The following GDAP2 variants were observed in gnomAD, a reference collection of about 807,000 sequenced individuals.
The protein encoded by GDAP2 is ganglioside-induced differentiation-associated protein 2.
GDAP2 carries 51 observed loss-of-function variants against 67.0 expected under a neutral mutation model. That is an observed-to-expected ratio of 0.76 (90% confidence interval 0.61 to 0.96). The LOEUF is 0.96. GDAP2 is among the 40% of genes least tolerant of loss of function. GDAP2 has a pLI of 0.00. For synonymous variants in GDAP2, 203 were observed against 207.3 expected (o/e 0.98, Z 0.18); for missense variants, 547 against 588.3 (o/e 0.93, Z 0.73).
chr1:117,885,055 G>A (rs1364838651), intron 10 of GDAP2, among the ~76,000 whole-genome samples: 1 of 151,896 alleles, frequency 6.6e-6, no homozygotes, highest in Non-Finnish European at 1.5e-5. Context: ...ATAGGATTTC[G>A]CCATGTTGCC....
intron 6 of GDAP2, among the ~76,000 whole-genome samples, chr1:117,904,073 G>A: frequency 6.7e-6 from 1 of 150,240 alleles, no homozygotes; most frequent in Admixed American, 6.6e-5. Context: ...TGCAACTTCT[G>A]CTTCCTGGGT....
chr1:117,870,334 T>C lies in GDAP2; in HGVS notation c.*235A>G, dbSNP rs1304992304. On this transcript the variant is annotated 3_prime_UTR_variant, in exon 14 of 14. Transcript: ENST00000369443. Reference sequence around the variant, plus strand: ...CCAATTTCTATTAACAATCTAAAAATGAACATTTCCATTTCATATAAATAT... The same window carrying C: ...CCAATTTCTATTAACAATCTAAAAACGAACATTTCCATTTCATATAAATAT... The C allele has an allele frequency of 2.0e-6, 1 of 509,106 alleles. No homozygotes were observed. Among genetic ancestry groups the C allele is most frequent in the Non-Finnish European group, 3.4e-6 (1 of 290,186 alleles). 31.5% of individuals were successfully genotyped at this position (509,106 alleles called of 1,614,324 possible).
intron 6 of GDAP2, among the ~76,000 whole-genome samples, chr1:117,899,648 C>G (rs1489419172): frequency 6.6e-6 from 1 of 151,820 alleles, no homozygotes; most frequent in East Asian, 1.9e-4. Context: ...TTTATTCTTT[C>G]TTAAAAGTTT....
chr1:117,892,188 T>C (rs915388581), intron 8 of GDAP2, among the ~76,000 whole-genome samples: 6 of 152,132 alleles, frequency 3.9e-5, no homozygotes, highest in South Asian at 2.1e-4. Flanking sequence ...ATTACCACTA[T>C]AGATTGTGTA....
chr1:117,926,348 CTA>C (rs1557813201), intron 1 of GDAP2, among the ~76,000 whole-genome samples: 3 of 152,172 alleles, frequency 2.0e-5, no homozygotes, highest in South Asian at 2.1e-4. Flanking sequence ...GGTGGTTCTC[CTA>C]TATCCCTGAT....
intron 8 of GDAP2, among the ~76,000 whole-genome samples, chr1:117,889,347 C>A (rs950489913): frequency 9.2e-5 from 14 of 151,636 alleles, no homozygotes; most frequent in Non-Finnish European, 2.1e-4. Flanking sequence ...AAAATGTATT[C>A]TTTTATCAAT....
chr1:117,912,150 G>A (rs1451874246), intron 4 of GDAP2, 68 bp from the exon 5 acceptor site: 1 of 918,422 alleles, frequency 1.1e-6, no homozygotes. Context: ...CAATATATAA[G>A]TAATTTCAAA....
At chr1:117,878,682 G>C (rs940223433) in intron 12 of GDAP2, among the ~76,000 whole-genome samples, 2 of 152,170 alleles carry the variant, frequency 1.3e-5, no homozygotes, top group African/African-American at 4.8e-5. Flanking sequence ...TGTAGATGTG[G>C]TGCCATCTTT....
chr1:117,872,103 T>C (rs1161132668), intron 13 of GDAP2, among the ~76,000 whole-genome samples: 2 of 152,102 alleles, frequency 1.3e-5, no homozygotes, highest in Non-Finnish European at 2.9e-5. Context: ...TCAACATCAC[T>C]GATCATTAGA....
intron 1 of GDAP2, among the ~76,000 whole-genome samples, chr1:117,926,174 C>T (rs75033587): frequency 0.014 from 2,071 of 152,218 alleles, 36 homozygotes; most frequent in South Asian, 0.093. Context: ...GTACATTTGC[C>T]CAACCTACTG....
chr1:117,887,655 TCTTA>T, intron 9 of GDAP2, 39 bp downstream of exon 9: 1 of 923,716 alleles, frequency 1.1e-6, no homozygotes, highest in Non-Finnish European at 1.8e-6. Context: ...TTGGTAGGGC[TCTTA>T]ATTAGTGAAA....
At chr1:117,871,780 A>G (rs1264984671) in intron 13 of GDAP2, among the ~76,000 whole-genome samples, 2 of 152,204 alleles carry the variant, frequency 1.3e-5, no homozygotes, top group African/African-American at 4.8e-5. Flanking sequence ...AACAAATCCT[A>G]GGATAGGCTA....
At chr1:117,878,297 A>G (rs1396320082) in intron 12 of GDAP2, 145 bp from the exon 13 acceptor site, 1 of 548,516 alleles carries the variant, frequency 1.8e-6, no homozygotes, top group Admixed American at 3.4e-5. Context: ...TGAATTTTGC[A>G]ATCATCAGTT....
chr1:117,894,163 A>AG (rs1649185820), intron 8 of GDAP2, among the ~76,000 whole-genome samples: 1 of 150,730 alleles, frequency 6.6e-6, no homozygotes, highest in Non-Finnish European at 1.5e-5. Flanking sequence ...TTTTTGAGAC[A>AG]GGGTCTCTCT....
chr1:117,904,597 C>CTTTTAT (rs967059313), intron 6 of GDAP2, among the ~76,000 whole-genome samples: 11 of 152,178 alleles, frequency 7.2e-5, no homozygotes, highest in African/African-American at 2.7e-4. Context: ...AGGGCAAAGA[C>CTTTTAT]TTTTATTCTC....
rs546972830 is a variant in GDAP2 at position 117,912,942 on chromosome 1, T to C, written c.317-259A>G. On this transcript the variant is annotated intron_variant, in intron 3 of 13. Transcript: ENST00000369443. ...TAAGCATCATCAAAATTTTGGAAGG[T>C]AGAATGTCAACTGACTAGTAACTGA... is the stretch of plus-strand genomic sequence containing the variant. Among the ~76,000 whole-genome samples, 11 of 152,300 alleles carry C rather than the reference T, an allele frequency of 7.2e-5. No homozygotes were observed. The East Asian group carries it at 2.1e-3, about 29-fold the overall frequency.
At chr1:117,918,971 C>T (rs1323477826) in intron 2 of GDAP2, among the ~76,000 whole-genome samples, 1 of 152,178 alleles carries the variant, frequency 6.6e-6, no homozygotes, top group South Asian at 2.1e-4. Context: ...TTAGAAATAG[C>T]AGCATTACTT....
intron 12 of GDAP2, among the ~76,000 whole-genome samples, chr1:117,878,368 A>C (rs1183433808): frequency 6.6e-6 from 1 of 152,342 alleles, no homozygotes; most frequent in African/African-American, 2.4e-5. Context: ...AGAGACTATA[A>C]GAAGAATGAG....
In GDAP2 at chr1:117,918,616, T is replaced by C; in HGVS notation, c.297A>G (p.Glu99=). 1 of 1,609,522 alleles carries C rather than the reference T, an allele frequency of 6.2e-7. No homozygotes were observed. The highest frequency in any genetic ancestry group is 1.3e-5 in the African/African-American group (1 of 74,902). ...ACTCACCTTTAAGTTTCTGGAGATC[T>C]TCCTTCAAATCAGGCCCTGCAAGCA... ...IFMLAGPDLK[E]DLQKLKGCRT... Residue 99 remains glutamate, a synonymous_variant, in exon 3 of 14, where the codon GAA becomes GAG. Coordinates refer to ENST00000369443, the MANE Select transcript of GDAP2 (RefSeq NM_017686.4).
Sources: allele counts gnomAD v4.1 joint callset (sites outside exome capture counted in the v4.1 genomes callset), GRCh38; gene constraint gnomAD v4.1.1; transcripts MANE v1.5; gene names NCBI Gene and HGNC (gene_info 2026-07-23, HGNC 2026-07-21).